Variants in DMD observed in about 807,000 individuals in gnomAD.
DMD encodes dystrophin, also known as mutant dystrophin.
A neutral mutation model predicts 330.1 loss-of-function variants in DMD; 63 were observed. The ratio of observed to expected loss-of-function variants is 0.19; its 90% CI spans 0.16 to 0.24. DMD has a LOEUF of 0.24. Ranked by LOEUF, DMD falls within the 10% of genes least tolerant of loss-of-function variation. DMD has a pLI of 1.00. For missense variants in DMD, 3,344 were observed against 2,684.1 expected (o/e 1.25, Z -5.43); for synonymous variants, 1,223 against 959.8 (o/e 1.27, Z -5.07).
intron 44 of DMD, among the ~76,000 whole-genome samples, chrX:32,212,982 C>G (rs928954937): frequency 6.3e-5 from 7 of 111,752 alleles, no homozygotes; most frequent in African/African-American, 2.3e-4. Flanking sequence ...AACACTAAGT[C>G]TCAGTTAAAG....
chrX:31,463,219 C>T (rs762989039), intron 59 of DMD, among the ~76,000 whole-genome samples: 11 of 111,452 alleles, frequency 9.9e-5, no homozygotes, highest in South Asian at 3.7e-4. Context: ...TCACTGCTCT[C>T]GGAAGATGCT....
At chrX:31,476,401 A>G (rs1343655402) in intron 59 of DMD, among the ~76,000 whole-genome samples, 5 of 93,212 alleles carry the variant, frequency 5.4e-5, no homozygotes, top group South Asian at 4.9e-4. Flanking sequence ...GTGTGTGTAT[A>G]TATATATATA....
intron 7 of DMD, among the ~76,000 whole-genome samples, chrX:32,721,020 C>T (rs1473527156): frequency 9.0e-6 from 1 of 111,234 alleles, no homozygotes. Flanking sequence ...CCTTCAGGCT[C>T]ACCTATGTTG....
intron 53 of DMD, among the ~76,000 whole-genome samples, chrX:31,676,879 T>C (rs1332114286): frequency 1.8e-5 from 2 of 112,352 alleles, no homozygotes; most frequent in Non-Finnish European, 3.8e-5. Flanking sequence ...AATTTTAGCA[T>C]ACATCATTCA....
At chrX:32,323,941 GTAT>G (rs1226339606) in intron 41 of DMD, among the ~76,000 whole-genome samples, 1 of 111,108 alleles carries the variant, frequency 9.0e-6, no homozygotes, top group Non-Finnish European at 1.9e-5. Context: ...GATCAAGCAC[GTAT>G]TGGTAAGAAT....
intron 1 of DMD, among the ~76,000 whole-genome samples, chrX:33,122,785 C>T (rs1463104755): frequency 8.9e-6 from 1 of 111,747 alleles, no homozygotes; most frequent in African/African-American, 3.3e-5. Flanking sequence ...GGGGACCTCC[C>T]TCTAAACCTT....
chrX:33,057,904 A>C (rs1289768501), intron 1 of DMD, among the ~76,000 whole-genome samples: 1 of 111,867 alleles, frequency 8.9e-6, no homozygotes, highest in African/African-American at 3.2e-5. Flanking sequence ...TTTGAGACAA[A>C]GTCTCGCTCT....
At chrX:33,326,993 T>C in intron 1 of DMD, among the ~76,000 whole-genome samples, 1 of 112,197 alleles carries the variant, frequency 8.9e-6, no homozygotes, top group Non-Finnish European at 1.9e-5. Context: ...TGTGAATAAA[T>C]TAAACTTGAA....
At chrX:33,117,118 G>T (rs2095391301) in intron 1 of DMD, among the ~76,000 whole-genome samples, 1 of 109,712 alleles carries the variant, frequency 9.1e-6, no homozygotes, top group Admixed American at 9.9e-5. Flanking sequence ...ATACAATTTT[G>T]CCAATTAAAC....
At chrX:31,526,589 C>A (rs1267426408) in intron 55 of DMD, among the ~76,000 whole-genome samples, 1 of 111,748 alleles carries the variant, frequency 8.9e-6, no homozygotes, top group Non-Finnish European at 1.9e-5. Context: ...ATGAAAGATT[C>A]AAGAAGTACG....
At chrX:32,728,298 T>C (rs1019275448) in intron 7 of DMD, among the ~76,000 whole-genome samples, 2 of 112,043 alleles carry the variant, frequency 1.8e-5, no homozygotes, top group Non-Finnish European at 3.8e-5. Flanking sequence ...CACGCATAAG[T>C]AAATGAAGTA....
chrX:33,332,475 T>C (rs974490426), intron 1 of DMD, among the ~76,000 whole-genome samples: 1 of 111,760 alleles, frequency 8.9e-6, no homozygotes, highest in African/African-American at 3.2e-5. Flanking sequence ...TCAACACTCA[T>C]GTTAACACTG....
At chrX:33,325,137 T>C (rs1016194824) in intron 1 of DMD, among the ~76,000 whole-genome samples, 31 of 111,987 alleles carry the variant, frequency 2.8e-4, no homozygotes, top group Non-Finnish European at 4.7e-4. Context: ...GCTTGATGTG[T>C]CTTTTAAACA....
chrX:32,159,085 T>C (rs938629290), intron 44 of DMD, among the ~76,000 whole-genome samples: 1 of 112,246 alleles, frequency 8.9e-6, no homozygotes, highest in East Asian at 2.8e-4. Context: ...CCAATCCTAA[T>C]TGTGCCCCCA....
intron 1 of DMD, among the ~76,000 whole-genome samples, chrX:33,163,371 T>C (rs2048865448): frequency 9.2e-6 from 1 of 108,323 alleles, no homozygotes; most frequent in Non-Finnish European, 1.9e-5. Context: ...ACTCCTTCAC[T>C]ACTAAAAATA....
intron 2 of DMD, among the ~76,000 whole-genome samples, chrX:32,964,057 G>A (rs2092016276): frequency 9.2e-6 from 1 of 108,888 alleles, no homozygotes; most frequent in African/African-American, 3.4e-5. Context: ...GATCGAGACC[G>A]TCCTGGCCAA....
intron 9 of DMD, among the ~76,000 whole-genome samples, chrX:32,672,999 CAT>C (rs775587726): frequency 3.3e-4 from 37 of 111,415 alleles, no homozygotes; most frequent in Admixed American, 3.1e-3. Context: ...AAAGATGTCA[CAT>C]GTTACTGCTC....
intron 29 of DMD, among the ~76,000 whole-genome samples, chrX:32,412,551 A>T (rs1272240537): frequency 8.9e-6 from 1 of 112,077 alleles, no homozygotes; most frequent in Non-Finnish European, 1.9e-5. Flanking sequence ...AGTAATCCTA[A>T]TATAGCTGCA....
At chrX:31,333,969 G>A (rs1255532861) in intron 61 of DMD, among the ~76,000 whole-genome samples, 2 of 108,470 alleles carry the variant, frequency 1.8e-5, no homozygotes, top group Non-Finnish European at 3.8e-5. Flanking sequence ...GTCTTGCTCC[G>A]TCACCCAGGC....
Sources: gnomAD v4.1 joint callset for allele counts (sites outside exome capture counted in the v4.1 genomes callset) on GRCh38, gnomAD v4.1.1 for gene constraint, MANE v1.5 for transcripts, NCBI Gene and HGNC (gene_info 2026-07-23, HGNC 2026-07-21) for gene names.